RFC1: variants seen among roughly 807,000 people sequenced by gnomAD.
RFC1 encodes the protein replication factor C subunit 1.
In RFC1, 37 loss-of-function variants were observed where a neutral mutation model predicts 137.4. The observed-to-expected ratio is 0.27, with a 90% CI of 0.21 to 0.35. RFC1 has a LOEUF of 0.35. Among genes scored for constraint, RFC1 ranks in the 10% least tolerant of loss-of-function variants. RFC1 has a pLI of 1.00. For missense variants in RFC1, 1,205 were observed against 1,358.5 expected (o/e 0.89, Z 1.78); for synonymous variants, 429 against 455.7 (o/e 0.94, Z 0.75).
At chr4:39,330,576 T>C (rs557456260) in intron 4 of RFC1, among the ~76,000 whole-genome samples, 1 of 152,198 alleles carries the variant, frequency 6.6e-6, no homozygotes, top group South Asian at 2.1e-4. Context: ...TTCAGCAAGG[T>C]GGGGCCAACT....
intron 8 of RFC1, 23 bp from the exon 9 acceptor site, chr4:39,320,692 G>A: frequency 9.1e-6 from 14 of 1,541,290 alleles, no homozygotes; most frequent in Non-Finnish European, 1.2e-5. Context: ...AAAAGATTAT[G>A]GTTGTTGTTT....
intron 1 of RFC1, among the ~76,000 whole-genome samples, chr4:39,360,555 AAATAC>A (rs1741706873): frequency 6.6e-6 from 1 of 150,686 alleles, no homozygotes. Flanking sequence ...AAAATAAAAT[AAATAC>A]AATAAAATAA....
intron 4 of RFC1, 96 bp from the exon 5 acceptor site, chr4:39,327,852 C>T (rs921772597): frequency 4.8e-5 from 45 of 938,326 alleles, no homozygotes; most frequent in South Asian, 2.1e-4. Flanking sequence ...ATACAAGAGG[C>T]TAGACATGGT....
At chr4:39,365,973 C>T (rs1050452047) in intron 1 of RFC1, among the ~76,000 whole-genome samples, 1 of 152,234 alleles carries the variant, frequency 6.6e-6, no homozygotes, top group Non-Finnish European at 1.5e-5. Flanking sequence ...TTCTCCCTTC[C>T]CCCAAGAGTG....
intron 9 of RFC1, among the ~76,000 whole-genome samples, chr4:39,317,242 C>T (rs1739283558): frequency 6.6e-6 from 1 of 152,184 alleles, no homozygotes; most frequent in African/African-American, 2.4e-5. Context: ...TCTAAAGCCA[C>T]ACACCTCAGG....
chr4:39,292,332 C>T (rs992810747), intron 22 of RFC1, among the ~76,000 whole-genome samples: 1 of 152,130 alleles, frequency 6.6e-6, no homozygotes, highest in Non-Finnish European at 1.5e-5. Flanking sequence ...ACTCTGAAAT[C>T]GTCAGTTCTA....
At chr4:39,290,432 G>C (rs1292792529) in intron 23 of RFC1, among the ~76,000 whole-genome samples, 1 of 151,682 alleles carries the variant, frequency 6.6e-6, no homozygotes. Flanking sequence ...ACAAACAAAA[G>C]GTCACTTCAA....
intron 1 of RFC1, among the ~76,000 whole-genome samples, chr4:39,356,836 G>A (rs1741503193): frequency 6.6e-6 from 1 of 152,152 alleles, no homozygotes; most frequent in South Asian, 2.1e-4. Context: ...TAATTTAACA[G>A]TCTAGCATGG....
At position 39,312,854 on chromosome 4, in the gene RFC1, C is replaced by T. The variant is rs762489420; in HGVS notation, c.1281G>A (p.Lys427=). ...VLESIERDEA[K]SLIERYGGKV... is the part of the protein sequence containing the mutation. ...TTCCCCCATAACGTTCAATTAGAGA[C>T]TTGGCCTCATCTCGTTCAATAGACT... Residue 427 remains lysine (K), a synonymous_variant, in exon 11 of 25, where the codon AAG becomes AAA. Coordinates refer to ENST00000349703, the MANE Select transcript of RFC1 (RefSeq NM_002913.5). 1.2e-6 allele frequency: 2 copies of T among 1,614,006 alleles called. No homozygotes were observed. Among genetic ancestry groups the T allele is most frequent in the African/African-American group, 1.3e-5 (1 of 74,906 alleles).
intron 22 of RFC1, among the ~76,000 whole-genome samples, chr4:39,292,965 AGTT>A (rs1486352249): frequency 2.0e-5 from 3 of 152,124 alleles, no homozygotes; most frequent in Non-Finnish European, 4.4e-5. Context: ...AAACTTCAAA[AGTT>A]GTTGTTATCA....
chr4:39,361,495 A>G (rs1375988390), intron 1 of RFC1, among the ~76,000 whole-genome samples: 1 of 152,240 alleles, frequency 6.6e-6, no homozygotes, highest in East Asian at 1.9e-4. Context: ...ATCAGGAAAA[A>G]GTATGTCTGC....
chr4:39,305,585 G>C (rs1006197623), intron 14 of RFC1, among the ~76,000 whole-genome samples: 1 of 152,068 alleles, frequency 6.6e-6, no homozygotes, highest in African/African-American at 2.4e-5. Flanking sequence ...TCCAGCCTGG[G>C]TGGCAGAGTA....
intron 4 of RFC1, among the ~76,000 whole-genome samples, chr4:39,340,091 C>T (rs937717187): frequency 6.6e-6 from 1 of 152,202 alleles, no homozygotes; most frequent in East Asian, 1.9e-4. Context: ...GATGCAGGTA[C>T]TAGCGATGTC....
At chr4:39,314,647 G>C (rs552223204) in intron 10 of RFC1, among the ~76,000 whole-genome samples, 1 of 151,962 alleles carries the variant, frequency 6.6e-6, no homozygotes, top group African/African-American at 2.4e-5. Context: ...AGGCAAGACT[G>C]GCATCTTCCT....
At chr4:39,348,461 A>ACGGG (rs1741010170) in intron 2 of RFC1, among the ~76,000 whole-genome samples, 1 of 130,768 alleles carries the variant, frequency 7.6e-6, no homozygotes, top group Non-Finnish European at 1.8e-5. Flanking sequence ...AAAGAAAAGA[A>ACGGG]AAGAAAAGAA....
At chr4:39,360,603 C>T (rs71606157) in intron 1 of RFC1, among the ~76,000 whole-genome samples, 21,220 of 151,750 alleles carry the variant, frequency 0.14, 1,829 homozygotes, top group East Asian at 0.23. Context: ...GGCATGGTGG[C>T]GAGCACCTGC....
chr4:39,331,265 G>A (rs539549391), intron 4 of RFC1, among the ~76,000 whole-genome samples: 1 of 152,250 alleles, frequency 6.6e-6, no homozygotes, highest in South Asian at 2.1e-4. Context: ...GGGCAAGAGG[G>A]AGTCCCTTAA....
intron 2 of RFC1, 87 bp downstream of exon 2, chr4:39,351,253 GAAAAAAAA>G (rs58906519): frequency 0.016 from 5,000 of 312,754 alleles, 15 homozygotes; most frequent in South Asian, 0.022. Context: ...TCTGTCTCAG[GAAAAAAAA>G]AAAAAAAAAA....
At chr4:39,295,495 T>G (rs17335466) in intron 22 of RFC1, 119 bp downstream of exon 22, 8,502 of 764,564 alleles carry the variant, frequency 0.011, 81 homozygotes, top group South Asian at 0.019. Flanking sequence ...GGATCATTCA[T>G]CTAGTTACCA....
Sources: gnomAD v4.1 joint callset for allele counts (sites outside exome capture counted in the v4.1 genomes callset) on GRCh38, gnomAD v4.1.1 for gene constraint, MANE v1.5 for transcripts, NCBI Gene and HGNC (gene_info 2026-07-23, HGNC 2026-07-21) for gene names.